SMCO4: variants seen among roughly 807,000 people sequenced by gnomAD.
The protein encoded by SMCO4 is single-pass membrane and coiled-coil domain-containing protein 4.
Under a neutral mutation model 3.6 loss-of-function variants are expected in SMCO4, and 4 were observed. The ratio of observed to expected loss-of-function variants is 1.11; its 90% CI spans 0.54 to 2.53. The LOEUF (loss-of-function observed/expected upper bound fraction) is 2.53, where lower values mean the gene tolerates loss of function less well. Ranked by LOEUF, SMCO4 falls within the 30% of genes most tolerant of loss-of-function variation. The pLI, the probability that SMCO4 is intolerant of heterozygous loss-of-function variation, is 0.02. For missense variants in SMCO4, 70 were observed against 80.8 expected (o/e 0.87, Z 0.51); for synonymous variants, 36 against 35.3 (o/e 1.02, Z -0.07).
chr11:93,506,621 G>A (rs1475527218), intron 1 of SMCO4, among the ~76,000 whole-genome samples: 2 of 149,946 alleles, frequency 1.3e-5, no homozygotes, highest in African/African-American at 4.9e-5. Flanking sequence ...TGTTTTTTTT[G>A]TAGTAGAGAC....
At chr11:93,488,757 A>C (rs1175975834) in intron 2 of SMCO4, among the ~76,000 whole-genome samples, 1 of 152,094 alleles carries the variant, frequency 6.6e-6, no homozygotes, top group African/African-American at 2.4e-5. Flanking sequence ...TGGAGACAGG[A>C]CCCTGGGAGC....
At chr11:93,480,653 C>G (rs1445429841) in intron 2 of SMCO4, among the ~76,000 whole-genome samples, 1 of 152,172 alleles carries the variant, frequency 6.6e-6, no homozygotes, top group African/African-American at 2.4e-5. Context: ...GTTCCTCTAG[C>G]AGAGGGACCT....
At chr11:93,547,162 C>T (rs1462892178), upstream of SMCO4, among the ~76,000 whole-genome samples, 1 of 152,300 alleles carries the variant, frequency 6.6e-6, no homozygotes, top group South Asian at 2.1e-4. Flanking sequence ...CTAACAGACA[C>T]CTTGTTGAGG....
At chr11:93,551,203 G>A in the SMCO4 span, among the ~76,000 whole-genome samples, 15 of 152,148 alleles carry the variant, frequency 9.9e-5, no homozygotes, top group Admixed American at 4.6e-4. Context: ...GATGTTAAGC[G>A]TGCTGAAGAG....
chr11:93,492,087 A>G (rs937820439), intron 2 of SMCO4, among the ~76,000 whole-genome samples: 1 of 152,252 alleles, frequency 6.6e-6, no homozygotes, highest in African/African-American at 2.4e-5. Context: ...ACAATAGCAC[A>G]CATCAAAGAT....
At chr11:93,480,656 A>C (rs1210374249) in intron 2 of SMCO4, among the ~76,000 whole-genome samples, 1 of 152,186 alleles carries the variant, frequency 6.6e-6, no homozygotes, top group Non-Finnish European at 1.5e-5. Flanking sequence ...CCTCTAGCAG[A>C]GGGACCTATG....
intron 1 of SMCO4, among the ~76,000 whole-genome samples, chr11:93,507,153 C>T (rs1354818784): frequency 1.3e-5 from 2 of 152,062 alleles, no homozygotes; most frequent in African/African-American, 4.8e-5. Context: ...GCATGTAATC[C>T]CAGCACTTTG....
chr11:93,484,269 T>C (rs1948623407), intron 2 of SMCO4, among the ~76,000 whole-genome samples: 1 of 152,222 alleles, frequency 6.6e-6, no homozygotes, highest in African/African-American at 2.4e-5. Flanking sequence ...TTTTCTGTGA[T>C]TAGAACTTTC....
rs1052042388 is a variant in SMCO4, at chr11:93,507,700, T to C, written c.-153-8352A>G. Among the ~76,000 whole-genome samples, 95 of 152,196 alleles carry C rather than the reference T, an allele frequency of 6.2e-4. 2 individuals carry two copies. The highest frequency in any genetic ancestry group is 6.2e-3 in the Admixed American group (95 of 15,288). On this transcript the variant is annotated intron_variant, in intron 1 of 2. Coordinates refer to ENST00000298966, the MANE Select transcript of SMCO4 (RefSeq NM_020179.3). ...TTCAGAGTCTATGTTGCAACAAACC[T>C]TTACACCTGGGTCAAGTTCTGATAT...
the SMCO4 span, among the ~76,000 whole-genome samples, chr11:93,548,980 T>C: frequency 6.6e-6 from 1 of 152,380 alleles, no homozygotes; most frequent in African/African-American, 2.4e-5. Context: ...AGAGGTTATT[T>C]CCTGTCATAG....
Position 93,479,726 on chromosome 11 carries a change from C to T in SMCO4, c.-80-457G>A, listed in dbSNP as rs117072645. On this transcript the variant is annotated intron_variant, in intron 2 of 2. Coordinates refer to ENST00000298966, the MANE Select transcript of SMCO4 (RefSeq NM_020179.3). Reference sequence around the variant, plus strand: ...CACGTAGCCCCCTTCCTGCCCAAGCCAGGCCAGCCTCATTAAGGCTGCAGA... The same window carrying T: ...CACGTAGCCCCCTTCCTGCCCAAGCTAGGCCAGCCTCATTAAGGCTGCAGA... 2.6e-5 allele frequency among the ~76,000 whole-genome samples: 4 copies of T among 152,306 alleles called. No homozygotes were observed. The East Asian group carries it at 7.7e-4, about 29-fold the overall frequency.
intron 2 of SMCO4, among the ~76,000 whole-genome samples, chr11:93,488,234 C>G (rs1948673196): frequency 6.6e-6 from 1 of 152,222 alleles, no homozygotes; most frequent in Non-Finnish European, 1.5e-5. Flanking sequence ...GGCGGGGCAT[C>G]CCTTGCATGT....
the SMCO4 span, among the ~76,000 whole-genome samples, chr11:93,548,934 A>C: frequency 6.6e-6 from 1 of 152,218 alleles, no homozygotes; most frequent in Admixed American, 6.5e-5. Context: ...GTGAAGTTGC[A>C]AAGTTATTTA....
intron 1 of SMCO4, among the ~76,000 whole-genome samples, chr11:93,538,614 C>A (rs1949247604): frequency 6.6e-6 from 1 of 152,182 alleles, no homozygotes; most frequent in South Asian, 2.1e-4. Flanking sequence ...TTAGCAGAGA[C>A]CAAAGGAGGC....
At chr11:93,545,605 AAAAAG>A (rs1193006581), upstream of SMCO4, among the ~76,000 whole-genome samples, 20 of 151,606 alleles carry the variant, frequency 1.3e-4, no homozygotes, top group South Asian at 6.3e-4. Flanking sequence ...AAAAAAAAAA[AAAAAG>A]AGAGAGAGAG....
chr11:93,523,003 C>A (rs913093599), intron 1 of SMCO4, among the ~76,000 whole-genome samples: 3 of 152,272 alleles, frequency 2.0e-5, no homozygotes, highest in Middle Eastern at 3.4e-3. Context: ...AAATTGGAAA[C>A]CCCAAAGATC....
chr11:93,533,977 C>T (rs1411484870), intron 1 of SMCO4, among the ~76,000 whole-genome samples: 2 of 151,852 alleles, frequency 1.3e-5, no homozygotes, highest in Non-Finnish European at 2.9e-5. Context: ...ACTTTAAGTC[C>T]AGGGTTCAAG....
intron 1 of SMCO4, 45 bp from the exon 2 acceptor site, chr11:93,499,393 T>C (rs1291025236): frequency 6.6e-6 from 1 of 151,874 alleles, no homozygotes; most frequent in African/African-American, 2.4e-5. Context: ...GCTGGGGAGG[T>C]ATCCCTCCAC....
chr11:93,487,291 G>A (rs1011374913), intron 2 of SMCO4, among the ~76,000 whole-genome samples: 6 of 152,120 alleles, frequency 3.9e-5, no homozygotes, highest in East Asian at 3.9e-4. Context: ...CCGGACACCC[G>A]CAAAGCACCT....
Sources: allele counts gnomAD v4.1 joint callset (sites outside exome capture counted in the v4.1 genomes callset), GRCh38; gene constraint gnomAD v4.1.1; transcripts MANE v1.5; gene names NCBI Gene and HGNC (gene_info 2026-07-23, HGNC 2026-07-21).